SGCZ: variants seen among roughly 807,000 people sequenced by gnomAD.
SGCZ encodes zeta-sarcoglycan.
SGCZ carries 40 observed loss-of-function variants against 41.3 expected under a neutral mutation model. The observed-to-expected ratio is 0.97, with a 90% CI of 0.75 to 1.26. SGCZ has a LOEUF of 1.26. Ranked by LOEUF, SGCZ falls within the 50% of genes most tolerant of loss-of-function variation. The probability of loss-of-function intolerance (pLI) is 0.00; values close to 1 mark genes in which losing one functional copy is unlikely to be tolerated. For synonymous variants in SGCZ, 206 were observed against 137.5 expected (o/e 1.50, Z -3.49); for missense variants, 552 against 369.8 (o/e 1.49, Z -4.04).
intron 5 of SGCZ, among the ~76,000 whole-genome samples, chr8:14,120,738 C>T (rs937744402): frequency 6.6e-6 from 1 of 151,990 alleles, no homozygotes; most frequent in Non-Finnish European, 1.5e-5. Context: ...GAGACTGCTA[C>T]TGCTATGGAA....
intron 1 of SGCZ, among the ~76,000 whole-genome samples, chr8:14,995,091 G>T (rs1164783497): frequency 2.0e-5 from 3 of 152,262 alleles, no homozygotes; most frequent in Non-Finnish European, 4.4e-5. Flanking sequence ...AGGTCTCTAG[G>T]AGAAATGCTT....
At chr8:15,178,154 T>A (rs1364312950) in intron 1 of SGCZ, among the ~76,000 whole-genome samples, 1 of 152,092 alleles carries the variant, frequency 6.6e-6, no homozygotes, top group Non-Finnish European at 1.5e-5. Flanking sequence ...CTAAAGCACT[T>A]TCCTTCTCAA....
Position 14,237,628 on chromosome 8 carries a change from T to G in SGCZ, c.388A>C (p.Asn130His). The change falls in exon 4 of 8, where the codon AAT becomes CAT. Residue 130 changes from asparagine to histidine, a missense_variant. Transcript: ENST00000382080. The part of the protein sequence containing the change: ...SDRNVTVNAR[N>H]HMGQLTGQLT... Reference sequence around the variant, plus strand: ...TGTCCGGTTAACTGCCCCATGTGATTTCTTGCATTCACTGTGACATTCCTG... The same window carrying G: ...TGTCCGGTTAACTGCCCCATGTGATGTCTTGCATTCACTGTGACATTCCTG... 1 of 1,613,954 alleles carries G rather than the reference T, an allele frequency of 6.2e-7. No homozygotes were observed. Among genetic ancestry groups the G allele is most frequent in the East Asian group, 2.2e-5 (1 of 44,878 alleles).
intron 1 of SGCZ, among the ~76,000 whole-genome samples, chr8:14,858,807 G>A (rs571664323): frequency 3.3e-5 from 5 of 152,136 alleles, no homozygotes; most frequent in Admixed American, 1.3e-4. Context: ...CAAAATGTCC[G>A]CTTTGTTAAA....
intron 3 of SGCZ, among the ~76,000 whole-genome samples, chr8:14,251,354 C>G (rs924079603): frequency 3.9e-5 from 6 of 152,190 alleles, no homozygotes; most frequent in Admixed American, 1.3e-4. Flanking sequence ...CACCGGCCAA[C>G]TTTTATTTTC....
chr8:14,828,850 CT>C (rs1298424290), intron 1 of SGCZ, among the ~76,000 whole-genome samples: 40 of 152,258 alleles, frequency 2.6e-4, no homozygotes, highest in African/African-American at 8.7e-4. Context: ...CATAACAATG[CT>C]TCCACTCATT....
chr8:14,508,482 G>C (rs114375747), intron 2 of SGCZ, among the ~76,000 whole-genome samples: 1 of 152,104 alleles, frequency 6.6e-6, no homozygotes. Flanking sequence ...AGAACCCTCG[G>C]AGGCTTTGCA....
chr8:15,201,521 A>G (rs1461884935), intron 1 of SGCZ, among the ~76,000 whole-genome samples: 4 of 152,230 alleles, frequency 2.6e-5, no homozygotes, highest in African/African-American at 9.6e-5. Flanking sequence ...CAAGATTAAT[A>G]AATGTCAGTT....
chr8:14,452,354 T>G (rs1800619051), intron 2 of SGCZ, among the ~76,000 whole-genome samples: 1 of 152,094 alleles, frequency 6.6e-6, no homozygotes, highest in Non-Finnish European at 1.5e-5. Flanking sequence ...GACAGTAAAA[T>G]TATTCTGTGT....
chr8:14,503,468 AAC>A (rs1228684404), intron 2 of SGCZ, among the ~76,000 whole-genome samples: 1 of 152,152 alleles, frequency 6.6e-6, no homozygotes, highest in Non-Finnish European at 1.5e-5. Context: ...AAAAATAAAT[AAC>A]ACACAAAACA....
At chr8:15,045,300 C>A (rs1432532046) in intron 1 of SGCZ, among the ~76,000 whole-genome samples, 2 of 151,960 alleles carry the variant, frequency 1.3e-5, no homozygotes, top group Non-Finnish European at 2.9e-5. Flanking sequence ...GAAAACTTAG[C>A]TGGGCCTTAA....
At chr8:14,713,378 T>G (rs1809583962) in intron 1 of SGCZ, among the ~76,000 whole-genome samples, 1 of 152,184 alleles carries the variant, frequency 6.6e-6, no homozygotes. Flanking sequence ...TTGTCACCAT[T>G]ATTGTAATTT....
At chr8:14,641,354 C>G (rs1322921586) in intron 1 of SGCZ, among the ~76,000 whole-genome samples, 1 of 151,674 alleles carries the variant, frequency 6.6e-6, no homozygotes, top group African/African-American at 2.4e-5. Context: ...GCTTCTCATA[C>G]AGTTTATGTT....
chr8:14,979,022 C>T (rs1193919162), intron 1 of SGCZ, among the ~76,000 whole-genome samples: 2 of 152,164 alleles, frequency 1.3e-5, no homozygotes, highest in African/African-American at 2.4e-5. Context: ...TGTTCTCAAA[C>T]TCCTGAGCTC....
At chr8:14,371,366 G>C (rs1410441911) in intron 2 of SGCZ, among the ~76,000 whole-genome samples, 1 of 151,946 alleles carries the variant, frequency 6.6e-6, no homozygotes, top group Middle Eastern at 3.2e-3. Flanking sequence ...TGGTATTAGA[G>C]TTCAGTTAAG....
intron 2 of SGCZ, among the ~76,000 whole-genome samples, chr8:14,449,657 T>C (rs1585529903): frequency 6.6e-6 from 1 of 152,152 alleles, no homozygotes; most frequent in African/African-American, 2.4e-5. Context: ...GATCTAAAGA[T>C]AGACCCCGCT....
chr8:15,192,105 C>G (rs544469340), intron 1 of SGCZ, among the ~76,000 whole-genome samples: 1 of 151,982 alleles, frequency 6.6e-6, no homozygotes, highest in Non-Finnish European at 1.5e-5. Flanking sequence ...TATGGTAACC[C>G]CTCCCCCAGT....
At chr8:14,249,802 C>T (rs1384352036) in intron 3 of SGCZ, among the ~76,000 whole-genome samples, 1 of 152,112 alleles carries the variant, frequency 6.6e-6, no homozygotes, top group African/African-American at 2.4e-5. Flanking sequence ...AAACTTCTGA[C>T]ATTTTTCTAC....
chr8:14,955,945 C>A (rs1158577666), intron 1 of SGCZ, among the ~76,000 whole-genome samples: 1 of 151,562 alleles, frequency 6.6e-6, no homozygotes, highest in African/African-American at 2.4e-5. Context: ...GTTAGAGATT[C>A]TCTAAAACTT....
Sources: gnomAD v4.1 joint callset for allele counts (sites outside exome capture counted in the v4.1 genomes callset) on GRCh38, gnomAD v4.1.1 for gene constraint, MANE v1.5 for transcripts, NCBI Gene and HGNC (gene_info 2026-07-23, HGNC 2026-07-21) for gene names.